The following AVL9 variants were observed in gnomAD, a reference collection of about 807,000 sequenced individuals.
AVL9 encodes late secretory pathway protein AVL9 homolog.
Under a neutral mutation model 79.2 loss-of-function variants are expected in AVL9, and 49 were observed. The ratio of observed to expected loss-of-function variants is 0.62; its 90% confidence interval spans 0.49 to 0.79. The LOEUF (loss-of-function observed/expected upper bound fraction) is 0.79, where lower values mean the gene tolerates loss of function less well. Ranked by LOEUF, AVL9 falls within the 30% of genes least tolerant of loss-of-function variation. AVL9 has a pLI of 0.00. For synonymous variants in AVL9, 299 were observed against 280.6 expected, an observed-to-expected ratio of 1.07 and a Z score of -0.65; for missense variants, 682 against 776.8, an observed-to-expected ratio of 0.88 and a Z score of 1.45.
At position 32,584,371 on chromosome 7, in the gene AVL9, A is replaced by G. The variant is rs1274835472; in HGVS notation, c.*464A>G. 2 of 154,642 alleles carry G rather than the reference A, an allele frequency of 1.3e-5. No homozygotes were observed. Among genetic ancestry groups the G allele is most frequent in the African/African-American group, 2.4e-5 (1 of 41,462 alleles). The allele number at this position is 154,642 out of a possible 1,614,324, so 9.6% of individuals were successfully genotyped here. A position where few individuals can be genotyped will look rare whatever the true frequency, so the allele number is the denominator to read the frequency against. On this transcript the variant is annotated 3_prime_UTR_variant, in exon 16 of 16. Transcript: ENST00000318709. ...GAAGGGGTCATACAGTTGGGCCTTC[A>G]TTATTTTGCTGAATTATGTGATGAT...
At chr7:32,504,876 TTTTA>T (rs1199726883) in intron 1 of AVL9, among the ~76,000 whole-genome samples, 1 of 147,430 alleles carries the variant, frequency 6.8e-6, no homozygotes, top group Non-Finnish European at 1.5e-5. Flanking sequence ...TTTTATTTTA[TTTTA>T]TTTATTTTTT....
At position 32,573,182 on chromosome 7, in the gene AVL9, A is replaced by T; in HGVS notation, c.1351-17A>T. The T allele has an allele frequency of 6.2e-7, 1 of 1,609,258 alleles. No individual in the cohort carries two copies. Among genetic ancestry groups the T allele is most frequent in the Non-Finnish European group, 8.5e-7 (1 of 1,176,132 alleles). On this transcript the variant is annotated splice_polypyrimidine_tract_variant and intron_variant, in intron 11 of 15. Coordinates refer to ENST00000318709, the MANE Select transcript of AVL9 (RefSeq NM_015060.3). ...CGTGAATGCCCAGACTCTGACTTGT[A>T]CCTGGATACCCTCTAGGTAGAAGAA...
intron 1 of AVL9, among the ~76,000 whole-genome samples, chr7:32,518,898 T>C (rs934569549): frequency 6.6e-6 from 1 of 152,208 alleles, no homozygotes; most frequent in Non-Finnish European, 1.5e-5. Context: ...AGAAAAATTG[T>C]GTTACTCTTA....
intron 1 of AVL9, among the ~76,000 whole-genome samples, chr7:32,523,150 C>CAAAAAAAAAAAA (rs59565422): frequency 7.4e-5 from 6 of 81,248 alleles, no homozygotes; most frequent in Admixed American, 1.4e-4. Flanking sequence ...GGTAATTAAC[C>CAAAAAAAAAAAA]AAAAAAAAAA....
intron 10 of AVL9, among the ~76,000 whole-genome samples, chr7:32,560,365 A>G (rs1332440347): frequency 1.3e-5 from 2 of 148,306 alleles, no homozygotes; most frequent in African/African-American, 5.0e-5. Flanking sequence ...AATATAAATG[A>G]ATAAAAATCC....
chr7:32,531,299 C>A (rs962280140), intron 1 of AVL9, among the ~76,000 whole-genome samples: 5 of 151,052 alleles, frequency 3.3e-5, no homozygotes, highest in African/African-American at 1.2e-4. Flanking sequence ...TTTAAAGGGG[C>A]TTGCATTCCT....
chr7:32,566,202 G>T (rs1479120072), intron 10 of AVL9, among the ~76,000 whole-genome samples: 2 of 8,314 alleles, frequency 2.4e-4, no homozygotes, highest in Admixed American at 1.6e-3. Flanking sequence ...TGGAGACAAG[G>T]TCTCACCACT....
rs117489100 is a variant in AVL9 at position 32,550,991 on chromosome 7, A to G, written c.373-343A>G. Among the ~76,000 whole-genome samples, 1,133 of 152,276 alleles carry G rather than the reference A, an allele frequency of 7.4e-3. 7 individuals are homozygous for G. The highest frequency in any genetic ancestry group is 0.012 in the Non-Finnish European group (783 of 68,026). ...TTTTACCTGTTATTTAATCCTTAAA[A>G]CAGTCAAGTAAGAGGTACTATTTTC... is the stretch of plus-strand genomic sequence containing the variant. On this transcript the variant is annotated intron_variant, in intron 4 of 15. Coordinates refer to ENST00000318709, the MANE Select transcript of AVL9 (RefSeq NM_015060.3).
At chr7:32,558,836 A>T (rs1045712283) in intron 9 of AVL9, 93 bp from the exon 10 acceptor site, 5 of 1,205,616 alleles carry the variant, frequency 4.1e-6, no homozygotes, top group Non-Finnish European at 5.8e-6. Context: ...AGCATAGCTT[A>T]TTAAATTTTA....
Position 32,559,183 on chromosome 7 carries a change from A to G in AVL9, c.934A>G (p.Thr312Ala), listed in dbSNP as rs545600872. The change falls in exon 10 of 16, where the codon ACC (threonine) becomes GCC (alanine). Residue 312 changes from threonine to alanine, a missense_variant. Physicochemically the swap from Thr to Ala is moderately conservative, Grantham distance 58. Coordinates refer to ENST00000318709, the MANE Select transcript of AVL9 (RefSeq NM_015060.3). ...DSSKGQEPND[T>A]NQYLKPPSRP... ...CAGCAAAGGGCAGGAACCCAATGATACCAATCAATATTTGAAACCTCCATC... is the reference window on the plus strand; with the variant it reads ...CAGCAAAGGGCAGGAACCCAATGATGCCAATCAATATTTGAAACCTCCATC... 1 of 1,614,176 alleles carries G rather than the reference A, an allele frequency of 6.2e-7. No individual in the cohort carries two copies. The highest frequency in any genetic ancestry group is 1.1e-5 in the South Asian group (1 of 91,082).
chr7:32,509,316 C>CA (rs368588642), intron 1 of AVL9, among the ~76,000 whole-genome samples: 212 of 151,366 alleles, frequency 1.4e-3, no homozygotes, highest in Non-Finnish European at 2.4e-3. Context: ...CAAAAAAACA[C>CA]AATAAAAAAC....
At chr7:32,549,042 T>TC in intron 4 of AVL9, 124 bp downstream of exon 4, 1 of 501,230 alleles carries the variant, frequency 2.0e-6, no homozygotes, top group Non-Finnish European at 3.3e-6. Flanking sequence ...TGCCCTAGCA[T>TC]CTCCTCATTC....
At chr7:32,524,740 A>C (rs182705213) in intron 1 of AVL9, among the ~76,000 whole-genome samples, 23 of 152,278 alleles carry the variant, frequency 1.5e-4, no homozygotes, top group Non-Finnish European at 2.8e-4. Flanking sequence ...AGTTGGGACA[A>C]ATCCTCCACT....
Position 32,579,516 on chromosome 7 carries a change from ATT to A in AVL9, c.1689-702_1689-701del, listed in dbSNP as rs1791345617. On this transcript the variant is annotated intron_variant, in intron 13 of 15. Coordinates refer to ENST00000318709, the MANE Select transcript of AVL9 (RefSeq NM_015060.3). The stretch of plus-strand genomic sequence containing the variant: ...TTACATATTATATATTATATATTAT[ATT>A]ATATATTATATATTATATTATATAT... 8.1e-3 allele frequency among the ~76,000 whole-genome samples: 33 copies of A among 4,062 alleles called. 6 individuals are homozygous for A. The highest frequency in any genetic ancestry group is 0.012 in the South Asian group (1 of 84). The allele number at this position is 4,062 out of a possible 152,430, so 2.7% of individuals were successfully genotyped here.
At chr7:32,521,672 A>C (rs1193194345) in intron 1 of AVL9, among the ~76,000 whole-genome samples, 1 of 152,182 alleles carries the variant, frequency 6.6e-6, no homozygotes, top group Non-Finnish European at 1.5e-5. Flanking sequence ...TTCTGGGGAG[A>C]GATTCAAGCC....
In AVL9 at chr7:32,579,572, T is replaced by C. The variant is rs1432477222; in HGVS notation, c.1689-647T>C. ...ATATTATATATTATATTATATATTATATTATATATTATATATTATATATTA... is the reference window on the plus strand; with the variant it reads ...ATATTATATATTATATTATATATTACATTATATATTATATATTATATATTA... On this transcript the variant is annotated intron_variant, in intron 13 of 15. Coordinates refer to ENST00000318709, the MANE Select transcript of AVL9 (RefSeq NM_015060.3). 7.8e-3 allele frequency among the ~76,000 whole-genome samples: 7 copies of C among 894 alleles called. 1 individual carries two copies. The highest frequency in any genetic ancestry group is 0.027 in the African/African-American group (7 of 260). 0.6% of individuals were successfully genotyped at this position (894 alleles called of 152,430 possible).
chr7:32,528,183 C>A (rs1457813863), intron 1 of AVL9, among the ~76,000 whole-genome samples: 1 of 152,132 alleles, frequency 6.6e-6, no homozygotes, highest in East Asian at 1.9e-4. Flanking sequence ...CACCCTGACA[C>A]CTACCCCTAC....
At chr7:32,507,465 ACT>A (rs1440578406) in intron 1 of AVL9, among the ~76,000 whole-genome samples, 1 of 151,560 alleles carries the variant, frequency 6.6e-6, no homozygotes, top group East Asian at 1.9e-4. Flanking sequence ...ACCATAGATT[ACT>A]CTGTTTCTTC....
intron 1 of AVL9, among the ~76,000 whole-genome samples, chr7:32,522,223 G>A (rs918721065): frequency 3.3e-5 from 5 of 152,150 alleles, no homozygotes; most frequent in African/African-American, 9.7e-5. Flanking sequence ...CCCCAGAATG[G>A]TAGATCCACT....
Sources: gnomAD v4.1 joint callset for allele counts (sites outside exome capture counted in the v4.1 genomes callset) on GRCh38, gnomAD v4.1.1 for gene constraint, MANE v1.5 for transcripts, NCBI Gene and HGNC (gene_info 2026-07-23, HGNC 2026-07-21) for gene names.